MGMT: variants seen among roughly 807,000 people sequenced by gnomAD.
MGMT encodes the protein O-6-methylguanine-DNA methyltransferase.
In MGMT, 14 loss-of-function variants were observed where a neutral mutation model predicts 15.9. The ratio of observed to expected loss-of-function variants is 0.88; its 90% CI spans 0.58 to 1.37. MGMT has a LOEUF of 1.37. Among genes scored for constraint, MGMT ranks in the 40% most tolerant of loss-of-function variants. The pLI is 0.00. For missense variants in MGMT, 282 were observed against 268.1 expected (o/e 1.05, Z -0.36); for synonymous variants, 130 against 118.2 (o/e 1.10, Z -0.65).
rs138174419 is a variant in MGMT, at chr10:129,748,066, C to A, written c.275-11136C>A. Among the ~76,000 whole-genome samples, 741 of 152,204 alleles carry A rather than the reference C, an allele frequency of 4.9e-3. 4 individuals carry two copies. Among genetic ancestry groups the A allele is most frequent in the African/African-American group, 0.017 (708 of 41,514 alleles). On this transcript the variant is annotated intron_variant, in intron 3 of 4. Coordinates refer to ENST00000651593, the MANE Select transcript of MGMT (RefSeq NM_002412.5). ...GTCAGGTGACTCTATGATAAAGTTA[C>A]CTTCCCCCATCTCCCCTGCGTACTG...
At chr10:129,608,308 A>C (rs1846917075) in intron 2 of MGMT, among the ~76,000 whole-genome samples, 1 of 152,240 alleles carries the variant, frequency 6.6e-6, no homozygotes. Context: ...GGGTCTGCTG[A>C]AGTTAGTCAT....
intron 2 of MGMT, among the ~76,000 whole-genome samples, chr10:129,703,508 C>T (rs927677248): frequency 2.0e-5 from 3 of 152,138 alleles, no homozygotes; most frequent in African/African-American, 7.2e-5. Context: ...CTGAGAAACC[C>T]CATCTGCGGG....
intron 1 of MGMT, among the ~76,000 whole-genome samples, chr10:129,509,275 C>G (rs189871918): frequency 1.3e-5 from 2 of 152,238 alleles, no homozygotes; most frequent in East Asian, 3.9e-4. Context: ...TTATTGCGTT[C>G]GCATAGAGCG....
intron 1 of MGMT, among the ~76,000 whole-genome samples, chr10:129,491,442 C>T (rs1400967978): frequency 2.0e-5 from 3 of 152,028 alleles, no homozygotes; most frequent in Admixed American, 6.6e-5. Flanking sequence ...ATTTATTCTG[C>T]TTAGGGTTTG....
chr10:129,571,046 A>C (rs1018296298), intron 2 of MGMT, among the ~76,000 whole-genome samples: 2 of 152,352 alleles, frequency 1.3e-5, no homozygotes, highest in African/African-American at 4.8e-5. Context: ...AATACACTTA[A>C]GAGTAACAAG....
At chr10:129,486,177 C>CT (rs33985155) in intron 1 of MGMT, among the ~76,000 whole-genome samples, 144 of 113,276 alleles carry the variant, frequency 1.3e-3, no homozygotes, top group African/African-American at 3.4e-3. Context: ...CTTCTCTTCT[C>CT]TTTTTTTTTT....
intron 2 of MGMT, among the ~76,000 whole-genome samples, chr10:129,602,951 GCAAA>G (rs1420490339): frequency 2.0e-5 from 3 of 152,138 alleles, no homozygotes; most frequent in African/African-American, 4.8e-5. Context: ...TCCACACAAA[GCAAA>G]CAAAGAGGTC....
At chr10:129,761,354 G>T (rs113493828) in intron 4 of MGMT, among the ~76,000 whole-genome samples, 2 of 152,168 alleles carry the variant, frequency 1.3e-5, no homozygotes, top group African/African-American at 4.8e-5. Context: ...CCGACTGCTC[G>T]CTCCCTTGTG....
At chr10:129,757,468 G>A (rs957877487) in intron 3 of MGMT, among the ~76,000 whole-genome samples, 1 of 152,164 alleles carries the variant, frequency 6.6e-6, no homozygotes, top group Admixed American at 6.5e-5. Flanking sequence ...CTAACGGAAA[G>A]CACAGAAAAC....
intron 2 of MGMT, among the ~76,000 whole-genome samples, chr10:129,580,745 G>C (rs1421329481): frequency 6.6e-6 from 1 of 152,184 alleles, no homozygotes; most frequent in African/African-American, 2.4e-5. Context: ...GATACCCCGT[G>C]ACCATGGATG....
chr10:129,626,185 T>G (rs912071346), intron 2 of MGMT, among the ~76,000 whole-genome samples: 3 of 152,186 alleles, frequency 2.0e-5, no homozygotes, highest in Admixed American at 6.5e-5. Flanking sequence ...CACTGGAGTT[T>G]ATCAGCCTGC....
intron 2 of MGMT, among the ~76,000 whole-genome samples, chr10:129,577,089 T>C (rs1317192694): frequency 1.3e-5 from 2 of 150,962 alleles, no homozygotes; most frequent in African/African-American, 2.4e-5. Flanking sequence ...AGAATCAATA[T>C]TGTGAAAATG....
At chr10:129,611,801 C>G (rs1235800223) in intron 2 of MGMT, among the ~76,000 whole-genome samples, 1 of 152,190 alleles carries the variant, frequency 6.6e-6, no homozygotes, top group South Asian at 2.1e-4. Context: ...GAAGTATGCA[C>G]CTGCCTCTGA....
intron 2 of MGMT, among the ~76,000 whole-genome samples, chr10:129,601,279 C>T (rs187511181): frequency 9.8e-4 from 149 of 152,240 alleles, no homozygotes; most frequent in African/African-American, 3.5e-3. Context: ...TGGTCCATAT[C>T]AAATACTGTT....
intron 2 of MGMT, among the ~76,000 whole-genome samples, chr10:129,567,191 C>G (rs116498302): frequency 6.6e-6 from 1 of 152,166 alleles, no homozygotes; most frequent in Admixed American, 6.5e-5. Context: ...GGGTGGTCAT[C>G]GGCCAGACCC....
intron 2 of MGMT, among the ~76,000 whole-genome samples, chr10:129,602,266 G>T: frequency 6.6e-6 from 1 of 151,988 alleles, no homozygotes; most frequent in African/African-American, 2.4e-5. Flanking sequence ...AATGTTGTGA[G>T]TGTCACTTTA....
At chr10:129,560,597 G>A (rs1846265222) in intron 2 of MGMT, among the ~76,000 whole-genome samples, 1 of 152,172 alleles carries the variant, frequency 6.6e-6, no homozygotes, top group Non-Finnish European at 1.5e-5. Flanking sequence ...GTGGCAGAGT[G>A]CCTACTGTGT....
At chr10:129,536,623 T>C (rs976199136) in intron 2 of MGMT, 5 of 412,328 alleles carry the variant, frequency 1.2e-5, no homozygotes, top group Non-Finnish European at 2.1e-5. Context: ...TACCCTTTCA[T>C]TAGTAGCTCT....
chr10:129,613,712 G>A lies in MGMT; in HGVS notation c.125+77335G>A, dbSNP rs949715246. Reference sequence around the variant, plus strand: ...CTGGGATGCACACAGGAGTCTTGGCGGGAGGCTGGTGGCGCAGGCTGATGG... The same window carrying A: ...CTGGGATGCACACAGGAGTCTTGGCAGGAGGCTGGTGGCGCAGGCTGATGG... On this transcript the variant is annotated intron_variant, in intron 2 of 4. Coordinates refer to ENST00000651593, the MANE Select transcript of MGMT (RefSeq NM_002412.5). 3.3e-5 allele frequency among the ~76,000 whole-genome samples: 5 copies of A among 152,220 alleles called. No homozygotes were observed. In the South Asian group the frequency reaches 8.3e-4, roughly 25 times the overall value.
Sources: gnomAD v4.1 joint callset for allele counts (sites outside exome capture counted in the v4.1 genomes callset) on GRCh38, gnomAD v4.1.1 for gene constraint, MANE v1.5 for transcripts, NCBI Gene and HGNC (gene_info 2026-07-23, HGNC 2026-07-21) for gene names.